Variants in CPA6 observed in about 807,000 individuals in gnomAD.
CPA6 encodes carboxypeptidase A6.
Under a neutral mutation model 63.3 loss-of-function variants are expected in CPA6, and 58 were observed. The observed-to-expected ratio is 0.92, with a 90% CI of 0.74 to 1.14. The LOEUF is 1.14. Among genes scored for constraint, CPA6 ranks in the 50% most tolerant of loss-of-function variants. The pLI, the probability that CPA6 is intolerant of heterozygous loss-of-function variation, is 0.00. For synonymous variants in CPA6, 185 were observed against 179.0 expected, an observed-to-expected ratio of 1.03 and a Z score of -0.27; for missense variants, 565 against 526.6, an observed-to-expected ratio of 1.07 and a Z score of -0.71.
chr8:67,508,104 T>A (rs1446398020), intron 5 of CPA6, among the ~76,000 whole-genome samples: 1 of 150,482 alleles, frequency 6.6e-6, no homozygotes, highest in Non-Finnish European at 1.5e-5. Flanking sequence ...GAGGATGGAT[T>A]AGAGCATGAG....
intron 2 of CPA6, among the ~76,000 whole-genome samples, chr8:67,531,081 A>C (rs2128968983): frequency 6.6e-6 from 1 of 152,358 alleles, no homozygotes; most frequent in Admixed American, 6.5e-5. Context: ...AAATGGCTAG[A>C]GGAAGTTTCC....
intron 8 of CPA6, among the ~76,000 whole-genome samples, chr8:67,454,026 C>G (rs1167041994): frequency 6.6e-6 from 1 of 152,228 alleles, no homozygotes; most frequent in Non-Finnish European, 1.5e-5. Flanking sequence ...GTGTTATTTA[C>G]TGCAGATTAA....
chr8:67,528,027 C>T (rs958485008), intron 2 of CPA6, among the ~76,000 whole-genome samples: 1 of 152,122 alleles, frequency 6.6e-6, no homozygotes, highest in African/African-American at 2.4e-5. Flanking sequence ...TGGTAACTCC[C>T]CCACCTCCCC....
In CPA6 at chr8:67,585,823, T is replaced by C. The variant is rs57924521; in HGVS notation, c.192+38353A>G. ...ATATTTGACGAGGAGAGTGAGGCCA[T>C]AGTCACAAAGAGTTCTTCTACTAGA... On this transcript the variant is annotated intron_variant, in intron 2 of 10. Coordinates refer to ENST00000297770, the MANE Select transcript of CPA6 (RefSeq NM_020361.5). 8.4e-3 allele frequency among the ~76,000 whole-genome samples: 1,284 copies of C among 152,246 alleles called. 22 individuals carry two copies. The highest frequency in any genetic ancestry group is 0.03 in the African/African-American group (1,237 of 41,546).
At chr8:67,460,330 G>C (rs1246185565) in intron 8 of CPA6, among the ~76,000 whole-genome samples, 5 of 152,078 alleles carry the variant, frequency 3.3e-5, no homozygotes. Context: ...TACATTTTAA[G>C]GTCAGTTATT....
At chr8:67,744,805 G>A (rs1267285349) in intron 1 of CPA6, among the ~76,000 whole-genome samples, 1 of 152,052 alleles carries the variant, frequency 6.6e-6, no homozygotes, top group Non-Finnish European at 1.5e-5. Flanking sequence ...ACTCCTTTCC[G>A]TTCCTCCCAG....
At chr8:67,574,327 G>T (rs1399379058) in intron 2 of CPA6, among the ~76,000 whole-genome samples, 1 of 147,058 alleles carries the variant, frequency 6.8e-6, no homozygotes, top group African/African-American at 2.5e-5. Flanking sequence ...AGTGAGCTGA[G>T]ATCATGCCAC....
chr8:67,639,004 A>C (rs930568667), intron 1 of CPA6, among the ~76,000 whole-genome samples: 7 of 151,542 alleles, frequency 4.6e-5, no homozygotes, highest in African/African-American at 1.7e-4. Context: ...AGTTCTAACA[A>C]ATAGGAGCTT....
intron 8 of CPA6, among the ~76,000 whole-genome samples, chr8:67,472,550 C>G (rs1002990424): frequency 1.3e-5 from 2 of 151,906 alleles, no homozygotes; most frequent in Non-Finnish European, 2.9e-5. Flanking sequence ...CTCAGCCTTC[C>G]GAGTAGCTGG....
chr8:67,654,602 T>A lies in CPA6; in HGVS notation c.117-30351A>T, dbSNP rs1288406509. Among the ~76,000 whole-genome samples, 3 of 152,178 alleles carry A rather than the reference T, an allele frequency of 2.0e-5. No homozygotes were observed. In the East Asian group the frequency reaches 5.8e-4, roughly 29 times the overall value. On this transcript the variant is annotated intron_variant, in intron 1 of 10. Coordinates refer to ENST00000297770, the MANE Select transcript of CPA6 (RefSeq NM_020361.5). Reference sequence around the variant, plus strand: ...ATCGGTGGTGATATCCCCTTTATCATTTTTTATTGTGTCTGTTTGATTCTT... The same window carrying A: ...ATCGGTGGTGATATCCCCTTTATCAATTTTTATTGTGTCTGTTTGATTCTT...
At chr8:67,549,805 C>T (rs888139711) in intron 2 of CPA6, among the ~76,000 whole-genome samples, 12 of 152,166 alleles carry the variant, frequency 7.9e-5, no homozygotes, top group South Asian at 4.1e-4. Flanking sequence ...GTGTCATAAA[C>T]GGCAGGATTT....
chr8:67,526,933 CTA>C lies in CPA6; in HGVS notation c.193-8888_193-8887del, dbSNP rs138998198. Among the ~76,000 whole-genome samples the C allele has an allele frequency of 3.0e-3, 463 of 152,234 alleles. 1 individual carries two copies. The highest frequency in any genetic ancestry group is 6.8e-3 in the Middle Eastern group (2 of 292). On this transcript the variant is annotated intron_variant, in intron 2 of 10. Transcript: ENST00000297770. ...AGAACTTAGCAGCCCCCCAAGAAAC[CTA>C]TTAGATAAGGGAAAAAATATTTCAC...
At chr8:67,545,785 A>G (rs565210421) in intron 2 of CPA6, among the ~76,000 whole-genome samples, 1 of 152,094 alleles carries the variant, frequency 6.6e-6, no homozygotes, top group African/African-American at 2.4e-5. Context: ...CTGGTCTTGA[A>G]TTCCTGACAT....
Position 67,461,105 on chromosome 8 carries a change from G to A in CPA6, c.838+22663C>T, listed in dbSNP as rs147175037. ...TATTGATCATTCTTGGGTGTTTCTC[G>A]CAGAGGGGGATTTGGCAGGGTCGTA... On this transcript the variant is annotated intron_variant, in intron 8 of 10. Coordinates refer to ENST00000297770, the MANE Select transcript of CPA6 (RefSeq NM_020361.5). 3.0e-4 allele frequency among the ~76,000 whole-genome samples: 42 copies of A among 141,884 alleles called. 1 individual carries two copies. The East Asian group carries it at 7.2e-3, about 24-fold the overall frequency. The allele number at this position is 141,884 out of a possible 152,430, so 93.1% of individuals were successfully genotyped here.
chr8:67,672,804 T>C (rs570397009), intron 1 of CPA6, among the ~76,000 whole-genome samples: 21 of 152,344 alleles, frequency 1.4e-4, no homozygotes, highest in Non-Finnish European at 2.8e-4. Flanking sequence ...ATGGATGAAA[T>C]GCCAAATCAG....
chr8:67,553,591 CT>C (rs1812997567), intron 2 of CPA6, among the ~76,000 whole-genome samples: 1 of 152,170 alleles, frequency 6.6e-6, no homozygotes. Flanking sequence ...CTCACAGCCA[CT>C]TCAATATTTG....
At chr8:67,589,563 T>G (rs1362881351) in intron 2 of CPA6, among the ~76,000 whole-genome samples, 1 of 152,208 alleles carries the variant, frequency 6.6e-6, no homozygotes, top group Non-Finnish European at 1.5e-5. Flanking sequence ...TTTTGTGAGC[T>G]CCTTCAGAAG....
chr8:67,589,794 C>T (rs1041988011), intron 2 of CPA6, among the ~76,000 whole-genome samples: 6 of 152,004 alleles, frequency 3.9e-5, no homozygotes, highest in African/African-American at 1.5e-4. Context: ...GGCACACTCT[C>T]CTTTGTCATC....
At chr8:67,689,240 A>C (rs1816767901) in intron 1 of CPA6, among the ~76,000 whole-genome samples, 1 of 151,300 alleles carries the variant, frequency 6.6e-6, no homozygotes, top group Admixed American at 6.6e-5. Flanking sequence ...TAGCATACAC[A>C]CCCACGTAGA....
Sources: allele counts gnomAD v4.1 joint callset (sites outside exome capture counted in the v4.1 genomes callset), GRCh38; gene constraint gnomAD v4.1.1; transcripts MANE v1.5; gene names NCBI Gene and HGNC (gene_info 2026-07-23, HGNC 2026-07-21).